Variants in HAPLN1 observed in about 807,000 individuals in gnomAD.
HAPLN1 encodes the protein hyaluronan and proteoglycan link protein 1.
HAPLN1 carries 13 observed loss-of-function variants against 36.5 expected under a neutral mutation model. The ratio of observed to expected loss-of-function variants is 0.36; its 90% confidence interval spans 0.23 to 0.57. The LOEUF (loss-of-function observed/expected upper bound fraction) is 0.57, where lower values mean the gene tolerates loss of function less well. Among genes scored for constraint, HAPLN1 ranks in the 20% least tolerant of loss-of-function variants. The pLI is 0.83. For synonymous variants in HAPLN1, 202 were observed against 169.8 expected (o/e 1.19, Z -1.48); for missense variants, 407 against 439.7 (o/e 0.93, Z 0.66).
chr5:83,708,391 A>G (rs1751700976), intron 1 of HAPLN1, among the ~76,000 whole-genome samples: 5 of 152,240 alleles, frequency 3.3e-5, no homozygotes, highest in African/African-American at 1.2e-4. Context: ...ATAAAAAAGA[A>G]CAAGATAATG....
intron 2 of HAPLN1, among the ~76,000 whole-genome samples, chr5:83,655,853 TCA>T (rs1247217608): frequency 1.3e-5 from 2 of 151,822 alleles, no homozygotes; most frequent in Non-Finnish European, 2.9e-5. Context: ...CAGGTTGTCG[TCA>T]CAGAGACCAG....
chr5:83,695,147 T>C (rs1751363617), intron 1 of HAPLN1, among the ~76,000 whole-genome samples: 1 of 152,144 alleles, frequency 6.6e-6, no homozygotes, highest in South Asian at 2.1e-4. Context: ...ATTTTTGAAA[T>C]GGAGTCTCAC....
At chr5:83,684,466 T>C (rs1344618593) in intron 1 of HAPLN1, among the ~76,000 whole-genome samples, 2 of 152,050 alleles carry the variant, frequency 1.3e-5, no homozygotes, top group Non-Finnish European at 2.9e-5. Flanking sequence ...CCACTAAAAC[T>C]GTGCAGAGTG....
chr5:83,692,895 T>C (rs919261252), intron 1 of HAPLN1, among the ~76,000 whole-genome samples: 2 of 151,908 alleles, frequency 1.3e-5, no homozygotes, highest in Non-Finnish European at 3.0e-5. Context: ...AAGGTTCTTA[T>C]ATTAATACTT....
rs1749664860 is a variant in HAPLN1, at chr5:83,640,864, A to T, written c.*632T>A. The T allele has an allele frequency of 6.6e-6, 1 of 151,696 alleles. No homozygotes were observed. Among genetic ancestry groups the T allele is most frequent in the Non-Finnish European group, 1.5e-5 (1 of 67,914 alleles). The allele number at this position is 151,696 out of a possible 1,614,324, so 9.4% of individuals were successfully genotyped here. ...ATGCTTCATATAAATGGGATTATTG[A>T]GGAGTTTTAACTGTGCTTGTTACTA... On this transcript the variant is annotated 3_prime_UTR_variant, in exon 5 of 5. Transcript: ENST00000274341.
chr5:83,698,558 T>G (rs940675076), intron 1 of HAPLN1, among the ~76,000 whole-genome samples: 1 of 152,172 alleles, frequency 6.6e-6, no homozygotes, highest in Non-Finnish European at 1.5e-5. Flanking sequence ...GCCATTATTA[T>G]TATAAGAAAT....
At chr5:83,663,694 T>G (rs1373063074) in intron 2 of HAPLN1, among the ~76,000 whole-genome samples, 1 of 152,084 alleles carries the variant, frequency 6.6e-6, no homozygotes, top group Admixed American at 6.5e-5. Flanking sequence ...GCCTCCATCA[T>G]CCATCCTTCG....
chr5:83,661,114 A>C (rs1423423601), intron 2 of HAPLN1, among the ~76,000 whole-genome samples: 1 of 152,140 alleles, frequency 6.6e-6, no homozygotes, highest in East Asian at 1.9e-4. Context: ...TCTTAGCAAG[A>C]CAGGAGTGCA....
chr5:83,686,299 G>A (rs1751123525), intron 1 of HAPLN1, among the ~76,000 whole-genome samples: 1 of 152,116 alleles, frequency 6.6e-6, no homozygotes, highest in Non-Finnish European at 1.5e-5. Context: ...AGAAAATTAT[G>A]ACAGGTAAAA....
chr5:83,695,371 C>T (rs6452546), intron 1 of HAPLN1, among the ~76,000 whole-genome samples: 40,506 of 151,720 alleles, frequency 0.27, 6,007 homozygotes, highest in Non-Finnish European at 0.34. Context: ...GGAGATCTAC[C>T]TGCCTCGGCC....
chr5:83,673,841 C>A (rs1750792057), intron 1 of HAPLN1: 4 of 260,312 alleles, frequency 1.5e-5, no homozygotes, highest in South Asian at 5.5e-5. Context: ...CAGCAAGTAA[C>A]AAAGAGATGT....
At position 83,680,884 on chromosome 5, in the gene HAPLN1, A is replaced by T. The variant is rs568102247; in HGVS notation, c.-26-7335T>A. Among the ~76,000 whole-genome samples, 3 of 152,320 alleles carry T rather than the reference A, an allele frequency of 2.0e-5. 1 individual carries two copies. The East Asian group carries it at 5.8e-4, about 29-fold the overall frequency. ...CATGAACAATTATTAAAAGATAATT[A>T]AATCTGTCAGAATATAAATAAGCAG... On this transcript the variant is annotated intron_variant, in intron 1 of 4. Coordinates refer to ENST00000274341, the MANE Select transcript of HAPLN1 (RefSeq NM_001884.4).
At chr5:83,717,035 G>GA (rs1048171437) in intron 1 of HAPLN1, among the ~76,000 whole-genome samples, 15 of 147,350 alleles carry the variant, frequency 1.0e-4, no homozygotes, top group South Asian at 6.6e-4. Flanking sequence ...CCATCTCAAG[G>GA]AAAAAAAAAC....
intron 1 of HAPLN1, among the ~76,000 whole-genome samples, chr5:83,705,952 C>T (rs1311429161): frequency 6.6e-6 from 1 of 151,952 alleles, no homozygotes; most frequent in Non-Finnish European, 1.5e-5. Flanking sequence ...ACTATGAACA[C>T]CTCTATGCAC....
chr5:83,691,118 A>G (rs1751259524), intron 1 of HAPLN1, among the ~76,000 whole-genome samples: 1 of 152,110 alleles, frequency 6.6e-6, no homozygotes, highest in Non-Finnish European at 1.5e-5. Flanking sequence ...GAGGTGAGTC[A>G]TATAATTTAT....
chr5:83,697,748 T>C (rs1176188496), intron 1 of HAPLN1, among the ~76,000 whole-genome samples: 1 of 152,144 alleles, frequency 6.6e-6, no homozygotes, highest in African/African-American at 2.4e-5. Flanking sequence ...TATGAAGTGA[T>C]ATCTCATTAG....
intron 1 of HAPLN1, among the ~76,000 whole-genome samples, chr5:83,717,684 G>C (rs1751944077): frequency 6.6e-6 from 1 of 152,178 alleles, no homozygotes; most frequent in African/African-American, 2.4e-5. Flanking sequence ...GTATCTTAAT[G>C]CTTCCTTCAA....
chr5:83,648,995 G>A (rs1013103457), intron 3 of HAPLN1, among the ~76,000 whole-genome samples: 7 of 151,912 alleles, frequency 4.6e-5, no homozygotes, highest in African/African-American at 1.7e-4. Flanking sequence ...TATTCTTGTG[G>A]CTATCTGAAT....
chr5:83,678,720 T>C lies in HAPLN1; in HGVS notation c.-26-5171A>G, dbSNP rs77966887. 6.1e-3 allele frequency among the ~76,000 whole-genome samples: 931 copies of C among 151,838 alleles called. 9 individuals carry two copies. The highest frequency in any genetic ancestry group is 7.8e-3 in the Non-Finnish European group (533 of 67,944). On this transcript the variant is annotated intron_variant, in intron 1 of 4. Transcript: ENST00000274341. Reference sequence around the variant, plus strand: ...AAAACAGGAAGAAGATATGAGGGGATTGTAAGAGAGGTGAAATAAAGAGGA... The same window carrying C: ...AAAACAGGAAGAAGATATGAGGGGACTGTAAGAGAGGTGAAATAAAGAGGA...
Sources: allele counts gnomAD v4.1 joint callset (sites outside exome capture counted in the v4.1 genomes callset), GRCh38; gene constraint gnomAD v4.1.1; transcripts MANE v1.5; gene names NCBI Gene and HGNC (gene_info 2026-07-23, HGNC 2026-07-21).